The following SDK1 variants were observed in gnomAD, a reference collection of about 807,000 sequenced individuals.
The protein encoded by SDK1 is protein sidekick-1.
A neutral mutation model predicts 245.5 loss-of-function variants in SDK1; 157 were observed. The ratio of observed to expected loss-of-function variants is 0.64; its 90% confidence interval spans 0.56 to 0.73. The LOEUF (loss-of-function observed/expected upper bound fraction) is 0.73. SDK1 is among the 30% of genes least tolerant of loss of function. SDK1 has a pLI of 0.00. For missense variants in SDK1, 3,583 were observed against 3,002.3 expected (o/e 1.19, Z -4.52); for synonymous variants, 1,647 against 1,278.5 (o/e 1.29, Z -6.15).
At chr7:3,854,662 G>C (rs773269703) in intron 5 of SDK1, among the ~76,000 whole-genome samples, 3 of 152,140 alleles carry the variant, frequency 2.0e-5, no homozygotes, top group South Asian at 2.1e-4. Context: ...ACATAGAAGT[G>C]ACAATTTAGT....
At chr7:3,933,349 G>T (rs1274643781) in intron 5 of SDK1, among the ~76,000 whole-genome samples, 1 of 152,142 alleles carries the variant, frequency 6.6e-6, no homozygotes, top group East Asian at 1.9e-4. Flanking sequence ...CTGGGCTCAA[G>T]TAATCTTCCT....
intron 44 of SDK1, among the ~76,000 whole-genome samples, chr7:4,261,290 G>A (rs1368781343): frequency 6.6e-6 from 1 of 152,132 alleles, no homozygotes; most frequent in Non-Finnish European, 1.5e-5. Flanking sequence ...GGAGCAGCTG[G>A]CAGGAACATC....
At chr7:3,775,540 A>G (rs1374401277) in intron 4 of SDK1, among the ~76,000 whole-genome samples, 2 of 151,278 alleles carry the variant, frequency 1.3e-5, no homozygotes, top group East Asian at 1.9e-4. Context: ...TCAGCCTTTC[A>G]TAACATTTTT....
intron 5 of SDK1, among the ~76,000 whole-genome samples, chr7:3,889,940 C>A (rs1781420228): frequency 6.6e-6 from 1 of 152,182 alleles, no homozygotes; most frequent in Non-Finnish European, 1.5e-5. Context: ...ACTCCCCGCT[C>A]CTCCTCCTCA....
intron 1 of SDK1, among the ~76,000 whole-genome samples, chr7:3,416,335 C>G (rs1779364708): frequency 6.6e-6 from 1 of 152,044 alleles, no homozygotes. Context: ...AACTGTGCTC[C>G]CGTTCTAGGG....
chr7:3,481,258 G>A (rs1411341132), intron 1 of SDK1, among the ~76,000 whole-genome samples: 1 of 152,280 alleles, frequency 6.6e-6, no homozygotes, highest in African/African-American at 2.4e-5. Context: ...GACACAGAGG[G>A]TTAAGTAACT....
At chr7:4,157,244 G>A (rs1054847646) in intron 30 of SDK1, among the ~76,000 whole-genome samples, 3 of 148,046 alleles carry the variant, frequency 2.0e-5, no homozygotes, top group Non-Finnish European at 4.4e-5. Flanking sequence ...TGGAGTAGCT[G>A]GACGGACGGA....
chr7:3,470,692 A>C (rs1444185783), intron 1 of SDK1, among the ~76,000 whole-genome samples: 1 of 152,180 alleles, frequency 6.6e-6, no homozygotes, highest in Non-Finnish European at 1.5e-5. Context: ...TTTACTTGAA[A>C]GGACACAGAA....
chr7:3,662,041 ATTTTTTT>A (rs572659449), intron 4 of SDK1, among the ~76,000 whole-genome samples: 31,261 of 125,848 alleles, frequency 0.25, 3,932 homozygotes, highest in Non-Finnish European at 0.32. Flanking sequence ...CAACGGTTGT[ATTTTTTT>A]TTTTTTTTTT....
At chr7:3,841,371 C>T (rs752570751) in intron 5 of SDK1, among the ~76,000 whole-genome samples, 27 of 152,098 alleles carry the variant, frequency 1.8e-4, no homozygotes, top group Non-Finnish European at 3.1e-4. Flanking sequence ...GTGCAAGCCC[C>T]GTTGCAGAGT....
At chr7:3,852,279 C>G (rs796773142) in intron 5 of SDK1, among the ~76,000 whole-genome samples, 19 of 151,764 alleles carry the variant, frequency 1.3e-4, no homozygotes, top group African/African-American at 4.1e-4. Flanking sequence ...AACTGGCCAG[C>G]CGAGAGCGAC....
At chr7:4,199,809 A>C (rs1783785992) in intron 35 of SDK1, among the ~76,000 whole-genome samples, 1 of 151,560 alleles carries the variant, frequency 6.6e-6, no homozygotes, top group Non-Finnish European at 1.5e-5. Context: ...GCACACAGCA[A>C]CTCCTCCTCT....
intron 5 of SDK1, among the ~76,000 whole-genome samples, chr7:3,845,488 CAAAAAAAAAA>C (rs369588343): frequency 7.5e-5 from 3 of 40,196 alleles, no homozygotes; most frequent in Admixed American, 2.6e-4. Context: ...GACTCCGTCT[CAAAAAAAAAA>C]AAAAAAAAAA....
At chr7:4,176,019 CAG>C (rs543065226) in intron 34 of SDK1, among the ~76,000 whole-genome samples, 185 bp downstream of exon 34, 118 of 152,324 alleles carry the variant, frequency 7.7e-4, no homozygotes, top group African/African-American at 2.7e-3. Context: ...CTTCTAGAAA[CAG>C]AGGCTGGGGA....
intron 1 of SDK1, among the ~76,000 whole-genome samples, chr7:3,334,207 G>C (rs1410138132): frequency 6.6e-6 from 1 of 152,208 alleles, no homozygotes; most frequent in African/African-American, 2.4e-5. Context: ...TCAATCTGCA[G>C]TATTTTCCAC....
At chr7:3,322,674 C>T (rs73672086) in intron 1 of SDK1, among the ~76,000 whole-genome samples, 2,915 of 152,294 alleles carry the variant, frequency 0.019, 75 homozygotes, top group African/African-American at 0.065. Context: ...ATTCAGGGAT[C>T]TTCATAATCT....
chr7:4,019,607 TA>T (rs879773928), intron 17 of SDK1, among the ~76,000 whole-genome samples: 359 of 145,382 alleles, frequency 2.5e-3, no homozygotes, highest in Middle Eastern at 3.6e-3. Context: ...CATCTATACT[TA>T]AAAAAAAAAA....
chr7:3,573,918 A>G (rs1209802091), intron 1 of SDK1, among the ~76,000 whole-genome samples: 1 of 150,812 alleles, frequency 6.6e-6, no homozygotes, highest in Non-Finnish European at 1.5e-5. Flanking sequence ...TGTCCTTTTT[A>G]TGACAGGTTC....
intron 1 of SDK1, among the ~76,000 whole-genome samples, chr7:3,432,099 T>C (rs1306352461): frequency 1.4e-5 from 2 of 145,076 alleles, no homozygotes; most frequent in African/African-American, 5.1e-5. Flanking sequence ...AAACAGAGCT[T>C]TGCAGGCTGC....
Sources: gnomAD v4.1 joint callset for allele counts (sites outside exome capture counted in the v4.1 genomes callset) on GRCh38, gnomAD v4.1.1 for gene constraint, MANE v1.5 for transcripts, NCBI Gene and HGNC (gene_info 2026-07-23, HGNC 2026-07-21) for gene names.